ZNF208: variants seen among roughly 807,000 people sequenced by gnomAD.
ZNF208 encodes the protein zinc finger protein 208.
ZNF208 carries 10 observed loss-of-function variants against 12.1 expected under a neutral mutation model. The observed-to-expected ratio is 0.83, with a 90% CI of 0.51 to 1.40. The LOEUF is 1.40. ZNF208 is among the 40% of genes most tolerant of loss of function. The pLI is 0.00. For synonymous variants in ZNF208, 497 were observed against 488.4 expected, an observed-to-expected ratio of 1.02 and a Z score of -0.23; for missense variants, 1,652 against 1,485.0, an observed-to-expected ratio of 1.11 and a Z score of -1.85.
intron 1 of ZNF208, among the ~76,000 whole-genome samples, chr19:21,995,194 C>G (rs1970811929): frequency 6.6e-6 from 1 of 152,076 alleles, no homozygotes; most frequent in Non-Finnish European, 1.5e-5. Context: ...TCAGGTGATC[C>G]ACCCATCTTG....
At position 21,968,478 on chromosome 19, in the gene ZNF208, T is replaced by A. The variant is rs942644128; in HGVS notation, c.*2713A>T. The A allele has an allele frequency of 6.6e-6, 1 of 152,140 alleles. No homozygotes were observed. The highest frequency in any genetic ancestry group is 1.5e-5 in the Non-Finnish European group (1 of 68,006). The allele number at this position is 152,140 out of a possible 1,614,324, so 9.4% of individuals were successfully genotyped here. A position where few individuals can be genotyped will look rare whatever the true frequency, so the allele number is the denominator to read the frequency against. On this transcript the variant is annotated 3_prime_UTR_variant, in exon 4 of 4. Coordinates refer to ENST00000397126, the MANE Select transcript of ZNF208 (RefSeq NM_007153.3). ...TTTTTTTCTTTTAATTATCTTTACA[T>A]GGTGAATCACACTTATTGACTTCCA...
chr19:21,978,688 T>C (rs7247121), intron 3 of ZNF208, among the ~76,000 whole-genome samples: 84,737 of 151,954 alleles, frequency 0.56, 23,895 homozygotes, highest in East Asian at 0.69. Flanking sequence ...CACAACTCAT[T>C]GCCAGCAAAG....
At chr19:21,980,140 A>T (rs1444397689) in intron 3 of ZNF208, among the ~76,000 whole-genome samples, 1 of 152,146 alleles carries the variant, frequency 6.6e-6, no homozygotes, top group Non-Finnish European at 1.5e-5. Flanking sequence ...AGACTTTAAT[A>T]TCCCAGTGTC....
At chr19:21,974,933 C>T in intron 3 of ZNF208, 126 bp from the exon 4 acceptor site, 3 of 1,149,934 alleles carry the variant, frequency 2.6e-6, no homozygotes, top group South Asian at 2.1e-5. Flanking sequence ...GACACAGGCC[C>T]TAATTCTTCA....
rs189300677 is a variant in ZNF208, at chr19:21,946,717, C to G, written c.306-13480G>C. On this transcript the variant is annotated intron_variant, in intron 4 of 4. Coordinates refer to the ZNF208 transcript ENST00000599916. ...CATTGTCCTCAGTTACTTTCTGAGG[C>G]TTCTTGTCCTAAGTTTTTGTCTCTT... Among the ~76,000 whole-genome samples the G allele has an allele frequency of 2.0e-4, 31 of 152,254 alleles. 1 individual carries two copies. The highest frequency in any genetic ancestry group is 9.2e-4 in the Admixed American group (14 of 15,280).
chr19:21,970,990 C>T lies in ZNF208; in HGVS notation c.*201G>A. On this transcript the variant is annotated 3_prime_UTR_variant, in exon 4 of 4. Coordinates refer to ENST00000397126, the MANE Select transcript of ZNF208 (RefSeq NM_007153.3). Reference sequence around the variant, plus strand: ...CCTTATGTTTAGTAAGGATTGAGAACATACTAAAGCCTTTACCACATTCTT... The same window carrying T: ...CCTTATGTTTAGTAAGGATTGAGAATATACTAAAGCCTTTACCACATTCTT... 6.6e-6 allele frequency among the ~76,000 whole-genome samples: 1 copy of T among 151,848 alleles called. No individual in the cohort carries two copies. Among genetic ancestry groups the T allele is most frequent in the Non-Finnish European group, 1.5e-5 (1 of 67,978 alleles).
At position 21,971,169 on chromosome 19, in the gene ZNF208, C is replaced by T. The variant is rs139601572; in HGVS notation, c.*22G>A. On this transcript the variant is annotated 3_prime_UTR_variant, in exon 4 of 4. Coordinates refer to ENST00000397126, the MANE Select transcript of ZNF208 (RefSeq NM_007153.3). ...CTAAGGGTTGAGGGCCACTTATAGG[C>T]TTTGCCACATTCTTCACATTTCTAG... The T allele has an allele frequency of 1.7e-5, 27 of 1,612,362 alleles. No individual in the cohort carries two copies. The African/African-American group carries it at 1.9e-4, about 11-fold the overall frequency.
At chr19:21,951,124 T>C (rs1969881133) in intron 4 of ZNF208, among the ~76,000 whole-genome samples, 1 of 152,226 alleles carries the variant, frequency 6.6e-6, no homozygotes, top group South Asian at 2.1e-4. Context: ...GTTTGCTAAA[T>C]GTTTTAATGT....
intron 2 of ZNF208, 90 bp downstream of exon 2, chr19:21,988,693 A>G: frequency 6.2e-7 from 1 of 1,604,068 alleles, no homozygotes; most frequent in Non-Finnish European, 8.5e-7. Context: ...TTATTCTCAC[A>G]TTCATCCTCC....
intron 3 of ZNF208, among the ~76,000 whole-genome samples, chr19:21,979,324 G>A (rs1970492365): frequency 6.6e-6 from 1 of 152,118 alleles, no homozygotes; most frequent in South Asian, 2.1e-4. Context: ...CGGCAGCCAG[G>A]GAGAAAGGTC....
At chr19:21,950,398 G>C (rs1251181478) in intron 4 of ZNF208, among the ~76,000 whole-genome samples, 1 of 151,416 alleles carries the variant, frequency 6.6e-6, no homozygotes, top group African/African-American at 2.4e-5. Flanking sequence ...GAAACCCCTA[G>C]AATTAAAAGT....
Position 21,975,851 on chromosome 19 carries a change from A to AAAAAAAAAAAAAAAAAAAAAAG in ZNF208, c.227-1045_227-1044insCTTTTTTTTTTTTTTTTTTTTT, listed in dbSNP as rs377638519. Among the ~76,000 whole-genome samples, 3 of 91,868 alleles carry AAAAAAAAAAAAAAAAAAAAAAG rather than the reference A, an allele frequency of 3.3e-5. 1 individual carries two copies. Among genetic ancestry groups the AAAAAAAAAAAAAAAAAAAAAAG allele is most frequent in the African/African-American group, 4.6e-5 (1 of 21,952 alleles). 60.3% of individuals were successfully genotyped at this position (91,868 alleles called of 152,430 possible). A position where few individuals can be genotyped will look rare whatever the true frequency, so the allele number is the denominator to read the frequency against. ...AAAAAAAAAAAAAAAAAAAAAAAAA[A>AAAAAAAAAAAAAAAAAAAAAAG]GCTATCAAGTGAGAATAATACCATC... On this transcript the variant is annotated intron_variant, in intron 3 of 3. Transcript: ENST00000397126.
intron 1 of ZNF208, among the ~76,000 whole-genome samples, chr19:22,010,585 C>A (rs755183121): frequency 1.3e-5 from 2 of 152,222 alleles, no homozygotes; most frequent in Admixed American, 1.3e-4. Flanking sequence ...ACAATCACAG[C>A]GCAGGGAAGA....
In ZNF208 at chr19:21,971,873, T is replaced by C; in HGVS notation, c.3161A>G (p.Glu1054Gly). The stretch of plus-strand genomic sequence containing the variant: ...ACATTCTTCACATTTGTAGGGTTTT[T>C]CTCCAGCATGAGTTGCCTTATGTTC... ...LTEHKATHAG[E>G]KPYKCEECGK... The change falls in exon 4 of 4, where the codon GAA becomes GGA. Residue 1054 changes from glutamate to glycine, a missense_variant. Glu to Gly is a moderately conservative substitution (Grantham distance 98). Coordinates refer to ENST00000397126, the MANE Select transcript of ZNF208 (RefSeq NM_007153.3). The C allele has an allele frequency of 6.2e-7, 1 of 1,613,588 alleles. No homozygotes were observed. The highest frequency in any genetic ancestry group is 8.5e-7 in the Non-Finnish European group (1 of 1,179,740).
intron 1 of ZNF208, among the ~76,000 whole-genome samples, chr19:21,997,219 A>G (rs1172166778): frequency 6.6e-6 from 1 of 152,216 alleles, no homozygotes; most frequent in Non-Finnish European, 1.5e-5. Context: ...CAGTGACCAT[A>G]ATTTGTCTAC....
intron 4 of ZNF208, among the ~76,000 whole-genome samples, chr19:21,959,739 A>G (rs946108444): frequency 1.2e-4 from 19 of 152,222 alleles, no homozygotes; most frequent in African/African-American, 4.3e-4. Flanking sequence ...GCACAAGAAA[A>G]TAGAATAAAA....
In ZNF208 at chr19:21,966,138, T is replaced by C. The variant is rs922017247; in HGVS notation, c.*5053A>G. The C allele has an allele frequency of 6.6e-6, 1 of 152,082 alleles. No homozygotes were observed. The highest frequency in any genetic ancestry group is 2.4e-5 in the African/African-American group (1 of 41,440). The allele number at this position is 152,082 out of a possible 1,614,324, so 9.4% of individuals were successfully genotyped here. ...TATTATTTTTATTTTATATTTAAGG[T>C]ACATGTGCAGATTTGTAAAACAGGT... On this transcript the variant is annotated 3_prime_UTR_variant, in exon 4 of 4. Transcript: ENST00000397126.
At position 21,974,621 on chromosome 19, in the gene ZNF208, G is replaced by A; in HGVS notation, c.413C>T (p.Thr138Ile). 1 of 1,613,576 alleles carries A rather than the reference G, an allele frequency of 6.2e-7. No homozygotes were observed. Among genetic ancestry groups the A allele is most frequent in the Non-Finnish European group, 8.5e-7 (1 of 1,179,712 alleles). ...EGYNKLNQSL[T>I]TTQSKVFQRG... ...TTGAAATACTTTGCTCTGTGTAGTT[G>A]TCAAACTCTGGTTAAGTTTATTATA... The change falls in exon 4 of 4, where the codon ACA becomes ATA. Residue 138 changes from threonine (T) to isoleucine (I), a missense_variant. Thr to Ile is a moderately conservative substitution (Grantham distance 89). This residue lies in a region of ZNF208 where 410 missense variants were observed against 378.2 expected (regional missense o/e 1.08). Coordinates refer to ENST00000397126, the MANE Select transcript of ZNF208 (RefSeq NM_007153.3).
intron 1 of ZNF208, among the ~76,000 whole-genome samples, chr19:22,010,484 C>A (rs1971126032): frequency 6.6e-6 from 1 of 152,228 alleles, no homozygotes; most frequent in Admixed American, 6.5e-5. Context: ...TCAGGATTCT[C>A]CTCTCACGAC....
Sources: gnomAD v4.1 joint callset for allele counts (sites outside exome capture counted in the v4.1 genomes callset) on GRCh38, gnomAD v4.1.1 for gene constraint, gnomAD v4.1.1 regional missense constraint, MANE v1.5 for transcripts, NCBI Gene and HGNC (gene_info 2026-07-23, HGNC 2026-07-21) for gene names.